FBXW10B: variants seen among roughly 807,000 people sequenced by gnomAD.
FBXW10B encodes the protein F-box and WD repeat domain containing 10B, also known as F-box and WD repeat domain containing protein 10B.
the FBXW10B span, chr17:15,589,238 A>G: frequency 2.5e-6 from 4 of 1,613,360 alleles, no homozygotes; most frequent in Non-Finnish European, 2.5e-6. Context: ...CTGTGGATGC[A>G]GAGTAAAGAG....
At chr17:15,585,026 A>G in the FBXW10B span, among the ~76,000 whole-genome samples, 1 of 143,748 alleles carries the variant, frequency 7.0e-6, no homozygotes, top group Non-Finnish European at 1.5e-5. Flanking sequence ...AATGTTTATC[A>G]GCCACATTTT....
chr17:15,595,528 G>A, the FBXW10B span, among the ~76,000 whole-genome samples: 1 of 151,998 alleles, frequency 6.6e-6, no homozygotes, highest in Non-Finnish European at 1.5e-5. Context: ...AGAAATCACT[G>A]TCCTTTGCTG....
At chr17:15,613,784 G>C in the FBXW10B span, 6 of 1,612,232 alleles carry the variant, frequency 3.7e-6, no homozygotes, top group Non-Finnish European at 5.1e-6. Flanking sequence ...CCCAGAACTG[G>C]GCCAAGAGGG....
At chr17:15,585,160 G>A in the FBXW10B span, among the ~76,000 whole-genome samples, 8 of 151,554 alleles carry the variant, frequency 5.3e-5, no homozygotes, top group African/African-American at 1.9e-4. Flanking sequence ...CTGCTTTTTA[G>A]CCATCTAAAG....
the FBXW10B span, chr17:15,598,511 T>C: frequency 6.2e-7 from 1 of 1,613,422 alleles, no homozygotes; most frequent in Non-Finnish European, 8.5e-7. Flanking sequence ...TCTTAGAAAA[T>C]TTAAGGCACT....
the FBXW10B span, among the ~76,000 whole-genome samples, chr17:15,607,856 C>T: frequency 1.4e-4 from 20 of 140,476 alleles, no homozygotes; most frequent in East Asian, 3.4e-3. Context: ...CCAAAGGAAA[C>T]CATGAGTTAG....
At chr17:15,612,904 C>G in the FBXW10B span, 1 of 1,530,086 alleles carries the variant, frequency 6.5e-7, no homozygotes, top group South Asian at 1.2e-5. Flanking sequence ...AAGGGAAAAA[C>G]TAGTTCTTGG....
the FBXW10B span, chr17:15,618,875 A>G: frequency 6.7e-7 from 1 of 1,492,928 alleles, no homozygotes; most frequent in East Asian, 2.4e-5. Context: ...GTGTCAGTTC[A>G]AAAAACCTAT....
At chr17:15,616,725 C>T in the FBXW10B span, among the ~76,000 whole-genome samples, 10 of 146,644 alleles carry the variant, frequency 6.8e-5, no homozygotes, top group Non-Finnish European at 8.9e-5. Flanking sequence ...AGGAGAATGG[C>T]GTGAACCCGG....
At chr17:15,599,107 A>G in the FBXW10B span, among the ~76,000 whole-genome samples, 79,463 of 149,572 alleles carry the variant, frequency 0.53, 23,854 homozygotes, top group African/African-American at 0.81. Context: ...TCCGGCAGGC[A>G]GAGGTTGCAG....
the FBXW10B span, among the ~76,000 whole-genome samples, chr17:15,595,734 A>C: frequency 2.0e-5 from 3 of 152,126 alleles, no homozygotes. Flanking sequence ...ACCACCCGCT[A>C]AGGCTAGGGG....
At chr17:15,571,883 T>C in the FBXW10B span, 7 of 151,750 alleles carry the variant, frequency 4.6e-5, no homozygotes, top group African/African-American at 1.2e-4. Flanking sequence ...AAAGACAGCA[T>C]GTCGTATGAT....
chr17:15,588,886 G>A, the FBXW10B span: 9 of 1,614,122 alleles, frequency 5.6e-6, no homozygotes, highest in South Asian at 7.7e-5. Flanking sequence ...CACTTGTTGT[G>A]CTGTTCCAGG....
At chr17:15,566,845 T>C in the FBXW10B span, among the ~76,000 whole-genome samples, 2 of 150,514 alleles carry the variant, frequency 1.3e-5, no homozygotes, top group Non-Finnish European at 3.0e-5. Flanking sequence ...ATTACAGGCG[T>C]GAGCCACCAC....
chr17:15,607,797 A>G, the FBXW10B span: 1 of 931,372 alleles, frequency 1.1e-6, no homozygotes, highest in South Asian at 1.7e-5. Context: ...CTTCCTCTGA[A>G]GGCTGAGGCT....
the FBXW10B span, chr17:15,619,658 C>T: frequency 2.0e-6 from 3 of 1,488,160 alleles, no homozygotes; most frequent in African/African-American, 1.4e-5. Context: ...TAAATGGCTG[C>T]CATGGATGGA....
chr17:15,579,063 C>T, the FBXW10B span, among the ~76,000 whole-genome samples: 2 of 151,484 alleles, frequency 1.3e-5, no homozygotes, highest in African/African-American at 2.4e-5. Context: ...TGCCTATAAT[C>T]GCAGCTACTC....
At chr17:15,587,948 C>A in the FBXW10B span, among the ~76,000 whole-genome samples, 1 of 152,232 alleles carries the variant, frequency 6.6e-6, no homozygotes, top group South Asian at 2.1e-4. Flanking sequence ...GCTTGAGTAA[C>A]CTCCTTAGGT....
At chr17:15,571,831 G>A in the FBXW10B span, 2 of 152,240 alleles carry the variant, frequency 1.3e-5, no homozygotes, top group Non-Finnish European at 1.5e-5. Context: ...TGACACGGGT[G>A]TGTTTCAAAA....
Sources: gnomAD v4.1 joint callset for allele counts (sites outside exome capture counted in the v4.1 genomes callset) on GRCh38, gnomAD v4.1.1 for gene constraint, MANE v1.5 for transcripts, NCBI Gene and HGNC (gene_info 2026-07-23, HGNC 2026-07-21) for gene names.